The following GAS2 variants were observed in gnomAD, a reference collection of about 807,000 sequenced individuals.
GAS2 encodes the protein growth arrest specific 2.
A neutral mutation model predicts 37.5 loss-of-function variants in GAS2; 20 were observed. That is an observed-to-expected ratio of 0.53 (90% CI 0.37 to 0.77). The LOEUF (loss-of-function observed/expected upper bound fraction) is 0.77, where lower values mean the gene tolerates loss of function less well. GAS2 is among the 30% of genes least tolerant of loss of function. The pLI is 0.00. For synonymous variants in GAS2, 144 were observed against 132.2 expected (o/e 1.09, Z -0.61); for missense variants, 336 against 373.4 (o/e 0.90, Z 0.82).
At chr11:22,651,493 G>T (rs1189036768) in intron 1 of GAS2, among the ~76,000 whole-genome samples, 1 of 152,106 alleles carries the variant, frequency 6.6e-6, no homozygotes, top group Non-Finnish European at 1.5e-5. Context: ...AAATTCTCCT[G>T]GATAATATCC....
chr11:22,754,167 T>C (rs1853893327), intron 6 of GAS2, among the ~76,000 whole-genome samples: 1 of 152,050 alleles, frequency 6.6e-6, no homozygotes, highest in Non-Finnish European at 1.5e-5. Flanking sequence ...ATTTTTAAGG[T>C]TCTTTGAATC....
chr11:22,626,954 G>A (rs758917407), intron 1 of GAS2, among the ~76,000 whole-genome samples: 4 of 152,026 alleles, frequency 2.6e-5, no homozygotes, highest in African/African-American at 4.8e-5. Context: ...GCCCAGGCGC[G>A]GCCAATTTTT....
chr11:22,674,444 C>T (rs913061491), intron 1 of GAS2, among the ~76,000 whole-genome samples: 3 of 152,020 alleles, frequency 2.0e-5, no homozygotes, highest in African/African-American at 7.2e-5. Context: ...GCTGTCATTG[C>T]CAGTGTTCAG....
chr11:22,709,799 G>T (rs1590684080), intron 3 of GAS2, among the ~76,000 whole-genome samples: 1 of 152,168 alleles, frequency 6.6e-6, no homozygotes, highest in Non-Finnish European at 1.5e-5. Flanking sequence ...AAGAAAATGT[G>T]GCACATATAC....
intron 1 of GAS2, among the ~76,000 whole-genome samples, chr11:22,639,401 A>G (rs933324904): frequency 1.3e-5 from 2 of 152,014 alleles, no homozygotes. Flanking sequence ...CTCACCTTGG[A>G]CTCCCCAGCC....
At chr11:22,784,355 A>T (rs1006221326) in intron 7 of GAS2, among the ~76,000 whole-genome samples, 1 of 152,152 alleles carries the variant, frequency 6.6e-6, no homozygotes, top group African/African-American at 2.4e-5. Flanking sequence ...TGGATTGATG[A>T]TAGTAAGTTA....
At chr11:22,686,713 G>A (rs1486600723) in intron 3 of GAS2, among the ~76,000 whole-genome samples, 1 of 151,764 alleles carries the variant, frequency 6.6e-6, no homozygotes, top group Non-Finnish European at 1.5e-5. Context: ...TCACGCCATT[G>A]CACTCCAGCC....
intron 2 of GAS2, among the ~76,000 whole-genome samples, chr11:22,681,474 CT>C (rs1849681711): frequency 6.6e-6 from 1 of 152,174 alleles, no homozygotes; most frequent in Admixed American, 6.5e-5. Context: ...ACTATTACTT[CT>C]AAACTAGGAC....
At chr11:22,668,370 G>A (rs565841932) in intron 1 of GAS2, 1 of 152,276 alleles carries the variant, frequency 6.6e-6, no homozygotes, top group Non-Finnish European at 1.5e-5. Flanking sequence ...GGGACAGTGT[G>A]CCTTTGCAAA....
chr11:22,689,624 G>T (rs1243340228), intron 3 of GAS2, among the ~76,000 whole-genome samples: 1 of 151,962 alleles, frequency 6.6e-6, no homozygotes, highest in Non-Finnish European at 1.5e-5. Context: ...GTCCATTGTT[G>T]GTCTAGAAAC....
chr11:22,676,038 C>T (rs998140726), intron 2 of GAS2, among the ~76,000 whole-genome samples: 51 of 152,026 alleles, frequency 3.4e-4, no homozygotes, highest in African/African-American at 1.2e-3. Context: ...CCTAGGATTT[C>T]TTTATCCTAT....
At chr11:22,659,023 T>C (rs1848886833) in intron 1 of GAS2, among the ~76,000 whole-genome samples, 1 of 152,170 alleles carries the variant, frequency 6.6e-6, no homozygotes, top group African/African-American at 2.4e-5. Flanking sequence ...TTAAGTATAG[T>C]TTTAAGGAGA....
intron 1 of GAS2, among the ~76,000 whole-genome samples, chr11:22,637,198 T>G (rs1485079289): frequency 8.2e-6 from 1 of 121,364 alleles, no homozygotes; most frequent in Non-Finnish European, 1.6e-5. Flanking sequence ...AATATTATAT[T>G]AATATATTAC....
At chr11:22,629,382 A>T (rs1265876931) in intron 1 of GAS2, among the ~76,000 whole-genome samples, 2 of 152,144 alleles carry the variant, frequency 1.3e-5, no homozygotes, top group Non-Finnish European at 2.9e-5. Context: ...GTAAGGTAGT[A>T]TCCTTTTCCA....
At chr11:22,703,224 A>G (rs920303617) in intron 3 of GAS2, among the ~76,000 whole-genome samples, 1 of 152,160 alleles carries the variant, frequency 6.6e-6, no homozygotes, top group African/African-American at 2.4e-5. Context: ...CATCCCTTCT[A>G]CTTACAGTCT....
chr11:22,779,148 C>G (rs1318368377), intron 7 of GAS2, among the ~76,000 whole-genome samples: 2 of 150,402 alleles, frequency 1.3e-5, no homozygotes, highest in East Asian at 3.9e-4. Flanking sequence ...GGTTGAAATT[C>G]TATCTCTCCA....
At chr11:22,755,652 G>T in intron 6 of GAS2, 194 bp from the exon 7 acceptor site, 1 of 479,404 alleles carries the variant, frequency 2.1e-6, no homozygotes, top group Non-Finnish European at 3.7e-6. Flanking sequence ...GCAGTCATTT[G>T]CCTTCAGATG....
rs1006002629 is a variant in GAS2, at chr11:22,774,063, G to A, written c.723+18110G>A. 2.0e-5 allele frequency among the ~76,000 whole-genome samples: 3 copies of A among 151,988 alleles called. No individual in the cohort carries two copies. In the East Asian group the frequency reaches 5.8e-4, roughly 29 times the overall value. On this transcript the variant is annotated intron_variant, in intron 7 of 7. Transcript: ENST00000454584. ...GGCTGGAGTACAATGGCACAATCTC[G>A]GCTCACTGCAACCTCCGCCTCCCGG... is the stretch of plus-strand genomic sequence containing the variant.
intron 5 of GAS2, among the ~76,000 whole-genome samples, chr11:22,746,329 C>A (rs1853400333): frequency 6.6e-6 from 1 of 152,076 alleles, no homozygotes; most frequent in Non-Finnish European, 1.5e-5. Flanking sequence ...AGCTGAGAAC[C>A]ACTATTCAAC....
Sources: allele counts gnomAD v4.1 joint callset (sites outside exome capture counted in the v4.1 genomes callset), GRCh38; gene constraint gnomAD v4.1.1; transcripts MANE v1.5; gene names NCBI Gene and HGNC (gene_info 2026-07-23, HGNC 2026-07-21).